KDM4C: variants seen among roughly 807,000 people sequenced by gnomAD.
KDM4C encodes lysine-specific demethylase 4C.
A neutral mutation model predicts 129.3 loss-of-function variants in KDM4C; 81 were observed. The observed-to-expected ratio is 0.63, with a 90% CI of 0.52 to 0.75. The LOEUF is 0.75. Among genes scored for constraint, KDM4C ranks in the 30% least tolerant of loss-of-function variants. KDM4C has a pLI of 0.00. For missense variants in KDM4C, 1,457 were observed against 1,304.0 expected (o/e 1.12, Z -1.81); for synonymous variants, 573 against 456.1 (o/e 1.26, Z -3.26).
intron 19 of KDM4C, among the ~76,000 whole-genome samples, chr9:7,161,759 G>T (rs2130360404): frequency 6.6e-6 from 1 of 152,226 alleles, no homozygotes; most frequent in South Asian, 2.1e-4. Context: ...AAACAATTTT[G>T]GGGACACCCA....
chr9:6,922,555 T>G (rs1373657594), intron 8 of KDM4C, among the ~76,000 whole-genome samples: 2 of 152,222 alleles, frequency 1.3e-5, no homozygotes, highest in African/African-American at 4.8e-5. Flanking sequence ...GAGATCAGTC[T>G]GGGCAACACA....
intron 14 of KDM4C, 81 bp downstream of exon 14, chr9:7,014,082 C>A: frequency 8.9e-7 from 1 of 1,118,222 alleles, no homozygotes; most frequent in South Asian, 1.4e-5. Flanking sequence ...TGGAACCTGT[C>A]AGATCTGTTG....
chr9:6,792,061 T>C (rs772665582), intron 1 of KDM4C, among the ~76,000 whole-genome samples: 1 of 151,600 alleles, frequency 6.6e-6, no homozygotes, highest in Non-Finnish European at 1.5e-5. Context: ...TTTTTACGTC[T>C]GGGCTCGGTA....
chr9:6,871,324 C>T (rs1050196850), intron 5 of KDM4C, among the ~76,000 whole-genome samples: 2 of 152,130 alleles, frequency 1.3e-5, no homozygotes, highest in African/African-American at 2.4e-5. Flanking sequence ...TTCACAACTG[C>T]AGGGCTATAT....
chr9:6,856,015 A>G (rs544636121), intron 5 of KDM4C, among the ~76,000 whole-genome samples: 2 of 152,194 alleles, frequency 1.3e-5, no homozygotes, highest in Non-Finnish European at 2.9e-5. Flanking sequence ...TGCTGGGATT[A>G]TAGGCGTGAG....
intron 8 of KDM4C, among the ~76,000 whole-genome samples, chr9:6,906,679 T>C (rs1000098748): frequency 6.6e-6 from 1 of 152,220 alleles, no homozygotes; most frequent in African/African-American, 2.4e-5. Context: ...TGGGCTCAAG[T>C]GATCCTCTCG....
At chr9:6,784,669 A>G (rs375742441) in intron 1 of KDM4C, among the ~76,000 whole-genome samples, 3 of 152,230 alleles carry the variant, frequency 2.0e-5, no homozygotes, top group South Asian at 2.1e-4. Flanking sequence ...AGGTGGAACA[A>G]GATGGAGTGG....
At chr9:6,946,647 C>T (rs1216861472) in intron 8 of KDM4C, among the ~76,000 whole-genome samples, 30 of 152,020 alleles carry the variant, frequency 2.0e-4, no homozygotes, top group Non-Finnish European at 2.9e-5. Context: ...TTTATGTTGT[C>T]TGTGTGCATA....
chr9:7,067,117 A>T (rs529685747), intron 17 of KDM4C, among the ~76,000 whole-genome samples: 1 of 152,232 alleles, frequency 6.6e-6, no homozygotes, highest in Non-Finnish European at 1.5e-5. Flanking sequence ...CACTGAATAT[A>T]TGTGCATTTT....
At chr9:6,757,711 C>A, upstream of KDM4C, 1 of 985,494 alleles carries the variant, frequency 1.0e-6, no homozygotes, top group Non-Finnish European at 1.2e-6. Flanking sequence ...CCCTGCGGGA[C>A]CCCAGCCAGC....
At chr9:7,021,296 C>T (rs1232208270) in intron 15 of KDM4C, among the ~76,000 whole-genome samples, 2 of 151,970 alleles carry the variant, frequency 1.3e-5, no homozygotes, top group East Asian at 3.9e-4. Flanking sequence ...AGGCGCATGC[C>T]ACCATGCCCG....
chr9:7,135,366 T>C (rs1841086455), intron 19 of KDM4C, among the ~76,000 whole-genome samples: 1 of 152,240 alleles, frequency 6.6e-6, no homozygotes, highest in South Asian at 2.1e-4. Context: ...TTCCTGGCAC[T>C]TCCTTCCCAC....
chr9:7,027,755 G>C (rs1020603758), intron 15 of KDM4C, among the ~76,000 whole-genome samples: 1 of 152,178 alleles, frequency 6.6e-6, no homozygotes, highest in African/African-American at 2.4e-5. Flanking sequence ...AACCTTAGAA[G>C]TCTTTCTGGT....
intron 1 of KDM4C, among the ~76,000 whole-genome samples, chr9:6,771,430 G>A (rs2130622662): frequency 1.3e-5 from 2 of 151,964 alleles, no homozygotes; most frequent in South Asian, 4.2e-4. Context: ...TCCTGCCTCA[G>A]CCTCCCGACC....
chr9:6,790,669 A>T (rs903034479), intron 1 of KDM4C, among the ~76,000 whole-genome samples: 10 of 150,550 alleles, frequency 6.6e-5, no homozygotes, highest in African/African-American at 2.2e-4. Flanking sequence ...AAAAAAAAAA[A>T]AAAAAAAAAA....
chr9:7,011,051 GA>G (rs1282152160), intron 12 of KDM4C, among the ~76,000 whole-genome samples: 2 of 151,440 alleles, frequency 1.3e-5, no homozygotes, highest in Non-Finnish European at 2.9e-5. Context: ...TCTTAAAAAA[GA>G]AAAAAAGAAA....
chr9:6,896,779 G>A (rs965099310), intron 8 of KDM4C, among the ~76,000 whole-genome samples: 1 of 152,074 alleles, frequency 6.6e-6, no homozygotes, highest in African/African-American at 2.4e-5. Flanking sequence ...TTCATCACTC[G>A]TGAGTCATTG....
At chr9:6,993,805 C>G (rs1332541540) in intron 12 of KDM4C, among the ~76,000 whole-genome samples, 1 of 152,184 alleles carries the variant, frequency 6.6e-6, no homozygotes, top group Non-Finnish European at 1.5e-5. Context: ...TGCTCAGAAG[C>G]TCTCAGGTTT....
In KDM4C at chr9:6,888,832, G is replaced by A. The variant is rs1478865905; in HGVS notation, c.783+769G>A. On this transcript the variant is annotated intron_variant, in intron 7 of 21. Coordinates refer to ENST00000381309, the MANE Select transcript of KDM4C (RefSeq NM_015061.6). The stretch of plus-strand genomic sequence containing the variant: ...AGACGGAGTCTCGCTCTGTCGCCCA[G>A]GCTGGAGTGCAGTGGCGGGATCTCG... 7.4e-5 allele frequency among the ~76,000 whole-genome samples: 2 copies of A among 27,158 alleles called. 1 individual carries two copies. The highest frequency in any genetic ancestry group is 1.3e-4 in the Non-Finnish European group (2 of 14,936). 17.8% of individuals were successfully genotyped at this position (27,158 alleles called of 152,430 possible).
Sources: allele counts gnomAD v4.1 joint callset (sites outside exome capture counted in the v4.1 genomes callset), GRCh38; gene constraint gnomAD v4.1.1; transcripts MANE v1.5; gene names NCBI Gene and HGNC (gene_info 2026-07-23, HGNC 2026-07-21).